Variants in KIDINS220 observed in about 807,000 individuals in gnomAD.
KIDINS220 encodes kinase D-interacting substrate of 220 kDa.
KIDINS220 carries 63 observed loss-of-function variants against 157.6 expected under a neutral mutation model. The ratio of observed to expected loss-of-function variants is 0.40; its 90% confidence interval spans 0.33 to 0.49. KIDINS220 has a LOEUF of 0.49. Ranked by LOEUF, KIDINS220 falls within the 20% of genes least tolerant of loss-of-function variation. KIDINS220 has a pLI of 0.66. For missense variants in KIDINS220, 1,772 were observed against 2,171.2 expected, an observed-to-expected ratio of 0.82 and a Z score of 3.65; for synonymous variants, 732 against 783.6, an observed-to-expected ratio of 0.93 and a Z score of 1.10.
intron 13 of KIDINS220, 124 bp from the exon 14 acceptor site, chr2:8,790,183 T>C: frequency 2.5e-6 from 2 of 807,768 alleles, no homozygotes; most frequent in Non-Finnish European, 3.8e-6. Flanking sequence ...GGTCCCTAGA[T>C]GGAATACTGC....
At chr2:8,741,055 T>C (rs1665556450) in intron 26 of KIDINS220, among the ~76,000 whole-genome samples, 1 of 152,200 alleles carries the variant, frequency 6.6e-6, no homozygotes. Context: ...GACCTTATTA[T>C]AAATAGGTTT....
At chr2:8,797,909 A>G (rs1307958110) in intron 10 of KIDINS220, among the ~76,000 whole-genome samples, 1 of 152,250 alleles carries the variant, frequency 6.6e-6, no homozygotes, top group African/African-American at 2.4e-5. Context: ...GAATGTGTTC[A>G]GATAACAGTG....
chr2:8,744,375 AAAAAAAAAAAAAAATATATATATATAAT>A lies in KIDINS220; in HGVS notation c.3585+2742_3585+2769del, dbSNP rs1220702212. ...ATGTTCCTCATGGCAAAAAAAAAAA[AAAAAAAAAAAAAAATATATATATATAAT>A]ATATATATATATATATATATATATA... is the stretch of plus-strand genomic sequence containing the variant. On this transcript the variant is annotated intron_variant, in intron 26 of 29. Coordinates refer to ENST00000256707, the MANE Select transcript of KIDINS220 (RefSeq NM_020738.4). Among the ~76,000 whole-genome samples, 23 of 8,732 alleles carry A rather than the reference AAAAAAAAAAAAAAATATATATATATAAT, an allele frequency of 2.6e-3. 3 individuals are homozygous for A. Among genetic ancestry groups the A allele is most frequent in the East Asian group, 7.3e-3 (2 of 274 alleles). 5.7% of individuals were successfully genotyped at this position (8,732 alleles called of 152,430 possible).
At chr2:8,740,996 C>T (rs114510821) in intron 26 of KIDINS220, among the ~76,000 whole-genome samples, 4,312 of 152,204 alleles carry the variant, frequency 0.028, 208 homozygotes, top group African/African-American at 0.096. Context: ...TTAACATATT[C>T]AATATCTGGG....
intron 16 of KIDINS220, 30 bp downstream of exon 16, chr2:8,786,174 TAC>T: frequency 6.2e-7 from 1 of 1,613,138 alleles, no homozygotes; most frequent in Non-Finnish European, 8.5e-7. Flanking sequence ...CCCCATCCCT[TAC>T]ACACAAAGAA....
At chr2:8,808,372 T>A (rs1333962388) in intron 6 of KIDINS220, among the ~76,000 whole-genome samples, 2 of 152,218 alleles carry the variant, frequency 1.3e-5, no homozygotes, top group African/African-American at 4.8e-5. Context: ...TGAGTTCTCA[T>A]CCTTTGAATA....
chr2:8,723,350 GTGGAGCCCAAAA>G (rs1284485783), downstream of KIDINS220: 2 of 152,320 alleles, frequency 1.3e-5, no homozygotes, highest in Non-Finnish European at 2.9e-5. Context: ...TTGGAGGTCG[GTGGAGCCCAAAA>G]TGAAGGAGCG....
intron 4 of KIDINS220, 90 bp from the exon 5 acceptor site, chr2:8,813,425 T>C (rs1168721899): frequency 5.8e-6 from 5 of 858,178 alleles, no homozygotes; most frequent in African/African-American, 5.2e-5. Context: ...TTAGTAAATA[T>C]CTTTATAAAT....
intron 26 of KIDINS220, among the ~76,000 whole-genome samples, chr2:8,745,776 G>A (rs1485529934): frequency 6.6e-6 from 1 of 152,188 alleles, no homozygotes; most frequent in Non-Finnish European, 1.5e-5. Flanking sequence ...TCCAGCCTGA[G>A]CAAAAGAGCG....
chr2:8,763,671 T>A (rs1308925847), intron 22 of KIDINS220, among the ~76,000 whole-genome samples: 4 of 152,228 alleles, frequency 2.6e-5, no homozygotes, highest in Non-Finnish European at 5.9e-5. Context: ...TGGAGTCATC[T>A]AAGTACATGG....
At chr2:8,813,196 T>C (rs764800490) in intron 5 of KIDINS220, 41 bp downstream of exon 5, 17 of 1,411,918 alleles carry the variant, frequency 1.2e-5, no homozygotes, top group Non-Finnish European at 1.6e-5. Context: ...TAAGAAAACT[T>C]ACCACTTATA....
At chr2:8,732,724 G>A (rs768570548) in intron 29 of KIDINS220, among the ~76,000 whole-genome samples, 65 of 152,238 alleles carry the variant, frequency 4.3e-4, no homozygotes, top group African/African-American at 1.2e-3. Flanking sequence ...CAAGGAAATA[G>A]GACATTTTCT....
In KIDINS220 at chr2:8,788,762, A is replaced by T; in HGVS notation, c.1672T>A (p.Trp558Arg). ...RREGESWNWA[W>R]VLSTRLARHI... is the part of the protein sequence containing the mutation. ...CTTGCCAATCTAGTGCTGAGGACCC[A>T]GGCCCAATTCCAACTCTCTCCTTCT... Residue 558 changes from tryptophan to arginine, a missense_variant, in exon 15 of 30, where the codon TGG becomes AGG. By Grantham distance (101) the Trp-to-Arg change is moderately radical. Around this residue, in one of 3 missense-constraint regions of KIDINS220, gnomAD observed 725 missense variants for 1,017.1 expected, o/e 0.71. Transcript: ENST00000256707. 2 of 1,614,136 alleles carry T rather than the reference A, an allele frequency of 1.2e-6. No individual in the cohort carries two copies.
At chr2:8,726,476 G>A (rs1261231395), downstream of KIDINS220, among the ~76,000 whole-genome samples, 1 of 152,246 alleles carries the variant, frequency 6.6e-6, no homozygotes, top group Non-Finnish European at 1.5e-5. Flanking sequence ...TTAAAGTGGT[G>A]AGAATATAAA....
intron 6 of KIDINS220, among the ~76,000 whole-genome samples, chr2:8,808,326 C>A (rs1675804198): frequency 6.6e-6 from 1 of 152,148 alleles, no homozygotes; most frequent in South Asian, 2.1e-4. Flanking sequence ...GAAAATCACC[C>A]TTCATAAAGC....
intron 23 of KIDINS220, among the ~76,000 whole-genome samples, chr2:8,751,188 G>C (rs1191097412): frequency 6.6e-6 from 1 of 150,760 alleles, no homozygotes; most frequent in Non-Finnish European, 1.5e-5. Flanking sequence ...GAAGGACTTG[G>C]GTGGGGGCGG....
chr2:8,759,029 G>A lies in KIDINS220; in HGVS notation c.3012-7385C>T, dbSNP rs908219188. 2.6e-4 allele frequency among the ~76,000 whole-genome samples: 40 copies of A among 152,204 alleles called. 1 individual carries two copies. The highest frequency in any genetic ancestry group is 5.9e-5 in the Non-Finnish European group (4 of 68,032). On this transcript the variant is annotated intron_variant, in intron 22 of 29. Coordinates refer to ENST00000256707, the MANE Select transcript of KIDINS220 (RefSeq NM_020738.4). ...TATTCTCAAGACAACAATGCGAACA[G>A]TGCCAGGTGTTCTCACTGACACTCA...
intron 22 of KIDINS220, among the ~76,000 whole-genome samples, chr2:8,763,316 C>T (rs941126437): frequency 1.3e-5 from 2 of 152,142 alleles, no homozygotes; most frequent in African/African-American, 4.8e-5. Flanking sequence ...ATGCTTGGGA[C>T]TAGAAGTGTT....
chr2:8,825,951 G>T (rs527681230), intron 2 of KIDINS220: 2 of 152,244 alleles, frequency 1.3e-5, no homozygotes, highest in Admixed American at 6.5e-5. Flanking sequence ...GGGCATGGTG[G>T]CGGGCGCCTG....
Sources: allele counts gnomAD v4.1 joint callset (sites outside exome capture counted in the v4.1 genomes callset), GRCh38; gene constraint gnomAD v4.1.1; regional missense constraint gnomAD v4.1.1; transcripts MANE v1.5; gene names NCBI Gene and HGNC (gene_info 2026-07-23, HGNC 2026-07-21).